UBAC2: variants seen among roughly 807,000 people sequenced by gnomAD.
UBAC2 encodes the protein UBA domain containing 2.
A neutral mutation model predicts 44.0 loss-of-function variants in UBAC2; 26 were observed. The ratio of observed to expected loss-of-function variants is 0.59; its 90% CI spans 0.43 to 0.82. UBAC2 has a LOEUF of 0.82. UBAC2 is among the 40% of genes least tolerant of loss of function. UBAC2 has a pLI of 0.00. For synonymous variants in UBAC2, 155 were observed against 154.3 expected, an observed-to-expected ratio of 1.00 and a Z score of -0.04; for missense variants, 329 against 419.4, an observed-to-expected ratio of 0.78 and a Z score of 1.88.
At chr13:99,274,540 G>C (rs2043858397) in intron 4 of UBAC2, among the ~76,000 whole-genome samples, 1 of 152,016 alleles carries the variant, frequency 6.6e-6, no homozygotes, top group African/African-American at 2.4e-5. Context: ...TGCCCAGGCA[G>C]GTCTTGAATT....
intron 8 of UBAC2, among the ~76,000 whole-genome samples, chr13:99,374,479 C>CT (rs1321697870): frequency 2.6e-5 from 4 of 152,190 alleles, no homozygotes; most frequent in Non-Finnish European, 5.9e-5. Context: ...GTTTATGTCT[C>CT]TGAGATATCC....
chr13:99,322,581 C>T (rs913420561), intron 6 of UBAC2, among the ~76,000 whole-genome samples: 13 of 152,190 alleles, frequency 8.5e-5, no homozygotes, highest in East Asian at 3.8e-4. Flanking sequence ...CTCCCTTCAA[C>T]GCAGCCCTTC....
chr13:99,278,633 G>T (rs2043914382), intron 4 of UBAC2, among the ~76,000 whole-genome samples: 1 of 152,098 alleles, frequency 6.6e-6, no homozygotes, highest in Non-Finnish European at 1.5e-5. Flanking sequence ...GGACTACCTG[G>T]ATCTCCAAAT....
intron 8 of UBAC2, among the ~76,000 whole-genome samples, chr13:99,381,692 G>C (rs1319561181): frequency 6.6e-6 from 1 of 152,184 alleles, no homozygotes; most frequent in Non-Finnish European, 1.5e-5. Context: ...TGATCAGAGA[G>C]AGTTTTCCTT....
intron 6 of UBAC2, among the ~76,000 whole-genome samples, chr13:99,325,293 C>G (rs942303018): frequency 6.6e-6 from 1 of 151,772 alleles, no homozygotes; most frequent in Admixed American, 6.6e-5. Context: ...TTTGTAGAGA[C>G]GGGGTTTCAC....
chr13:99,325,092 T>C (rs2044620073), intron 6 of UBAC2, among the ~76,000 whole-genome samples: 2 of 141,672 alleles, frequency 1.4e-5, no homozygotes, highest in Non-Finnish European at 3.0e-5. Flanking sequence ...CTTTAGTGTC[T>C]ATGCTCTTTT....
intron 4 of UBAC2, among the ~76,000 whole-genome samples, chr13:99,313,601 A>G (rs2044444689): frequency 6.6e-6 from 1 of 152,070 alleles, no homozygotes; most frequent in African/African-American, 2.4e-5. Context: ...GTGGTGTAAG[A>G]AATCACTGGG....
chr13:99,357,515 A>G (rs1357848227), intron 7 of UBAC2, among the ~76,000 whole-genome samples: 1 of 152,238 alleles, frequency 6.6e-6, no homozygotes, highest in Non-Finnish European at 1.5e-5. Context: ...CGCACTACGC[A>G]TAGAAGGCAA....
rs2044926615 is a variant in UBAC2 at position 99,343,571 on chromosome 13, A to T, written c.807+3006A>T. On this transcript the variant is annotated intron_variant, in intron 7 of 8. Transcript: ENST00000403766. ...TAGGATGGTCTCACTAACAGATCTGAAGTCCAGAGCAGGACACCAGCCCCT... is the reference window on the plus strand; with the variant it reads ...TAGGATGGTCTCACTAACAGATCTGTAGTCCAGAGCAGGACACCAGCCCCT... 2.6e-5 allele frequency among the ~76,000 whole-genome samples: 4 copies of T among 152,214 alleles called. 1 individual carries two copies. The South Asian group carries it at 8.3e-4, about 32-fold the overall frequency.
chr13:99,203,032 T>TTTAA (rs2042824869), intron 1 of UBAC2, among the ~76,000 whole-genome samples: 1 of 103,480 alleles, frequency 9.7e-6, no homozygotes, highest in African/African-American at 3.1e-5. Flanking sequence ...ATTTTATTTA[T>TTTAA]TTATTTATTT....
intron 4 of UBAC2, among the ~76,000 whole-genome samples, chr13:99,296,702 G>A (rs1393814786): frequency 3.3e-5 from 5 of 152,078 alleles, no homozygotes; most frequent in Admixed American, 2.6e-4. Context: ...TAACCTAAAA[G>A]TCTGAGAAAT....
At chr13:99,234,669 T>C (rs1311694820) in intron 1 of UBAC2, among the ~76,000 whole-genome samples, 1 of 152,228 alleles carries the variant, frequency 6.6e-6, no homozygotes, top group African/African-American at 2.4e-5. Flanking sequence ...CTTTCCCTTC[T>C]CATAGCTCTT....
chr13:99,237,669 C>G (rs537189966), intron 1 of UBAC2, among the ~76,000 whole-genome samples: 41 of 152,296 alleles, frequency 2.7e-4, no homozygotes, highest in African/African-American at 9.9e-4. Flanking sequence ...AAGATAATTA[C>G]CCGGGCTGGG....
chr13:99,331,132 AC>A (rs2044711057), intron 6 of UBAC2, among the ~76,000 whole-genome samples: 1 of 152,196 alleles, frequency 6.6e-6, no homozygotes, highest in Admixed American at 6.5e-5. Flanking sequence ...TCTCAGTCTG[AC>A]CACTGGTCTA....
chr13:99,322,888 A>G (rs1035151783), intron 6 of UBAC2, among the ~76,000 whole-genome samples: 3 of 152,124 alleles, frequency 2.0e-5, no homozygotes, highest in African/African-American at 4.8e-5. Flanking sequence ...AAGACAGCGC[A>G]TTTGCGGGCT....
chr13:99,373,020 T>C (rs1270319770), intron 8 of UBAC2, among the ~76,000 whole-genome samples: 3 of 152,076 alleles, frequency 2.0e-5, no homozygotes, highest in Admixed American at 6.5e-5. Context: ...CTTGGGAGGC[T>C]GAGGACAGGA....
intron 4 of UBAC2, among the ~76,000 whole-genome samples, chr13:99,287,564 A>G (rs1283881977): frequency 6.6e-6 from 1 of 151,214 alleles, no homozygotes; most frequent in Non-Finnish European, 1.5e-5. Context: ...TTCTGAACCC[A>G]TCCCTGAACT....
chr13:99,236,105 C>G (rs907667348), intron 1 of UBAC2, among the ~76,000 whole-genome samples: 1 of 152,158 alleles, frequency 6.6e-6, no homozygotes, highest in Non-Finnish European at 1.5e-5. Context: ...AAACTACTAG[C>G]AGAAAATGTT....
At chr13:99,325,951 C>T (rs1045426317) in intron 6 of UBAC2, among the ~76,000 whole-genome samples, 1 of 152,180 alleles carries the variant, frequency 6.6e-6, no homozygotes, top group Admixed American at 6.5e-5. Context: ...TTGATGGGCA[C>T]TTAGGTTGTT....
Sources: gnomAD v4.1 joint callset for allele counts (sites outside exome capture counted in the v4.1 genomes callset) on GRCh38, gnomAD v4.1.1 for gene constraint, MANE v1.5 for transcripts, NCBI Gene and HGNC (gene_info 2026-07-23, HGNC 2026-07-21) for gene names.